Variants in PDE4B observed in about 807,000 individuals in gnomAD.
PDE4B encodes 3',5'-cyclic-AMP phosphodiesterase 4B.
In PDE4B, 20 loss-of-function variants were observed where a neutral mutation model predicts 82.2. The ratio of observed to expected loss-of-function variants is 0.24; its 90% confidence interval spans 0.17 to 0.35. The LOEUF (loss-of-function observed/expected upper bound fraction) is 0.35. Among genes scored for constraint, PDE4B ranks in the 10% least tolerant of loss-of-function variants. The pLI is 1.00. For missense variants in PDE4B, 655 were observed against 907.2 expected, an observed-to-expected ratio of 0.72 and a Z score of 3.57; for synonymous variants, 320 against 318.9, an observed-to-expected ratio of 1.00 and a Z score of -0.04.
intron 3 of PDE4B, among the ~76,000 whole-genome samples, chr1:66,105,728 T>G (rs1645336918): frequency 6.6e-6 from 1 of 152,186 alleles, no homozygotes; most frequent in African/African-American, 2.4e-5. Context: ...CACTCATGAT[T>G]GGCTCTCTGT....
chr1:66,372,540 A>G lies in PDE4B; in HGVS notation c.2073A>G (p.Gly691=), dbSNP rs1176242906. 3.7e-6 allele frequency: 6 copies of G among 1,614,174 alleles called. No individual in the cohort carries two copies. The highest frequency in any genetic ancestry group is 5.1e-6 in the Non-Finnish European group (6 of 1,180,008). ...CTCTCGATGAGGAAGATTCTGAAGG[A>G]CCTGAGAAGGAGGGAGAGGGACACA... The part of the protein sequence containing the change: ...ELTLDEEDSE[G]PEKEGEGHSY... The change falls in exon 17 of 17, where the codon GGA becomes GGG. Residue 691 remains glycine, a synonymous_variant. Coordinates refer to ENST00000341517, the MANE Select transcript of PDE4B (RefSeq NM_002600.4).
chr1:66,248,842 A>G (rs1307802135), intron 4 of PDE4B, among the ~76,000 whole-genome samples: 2 of 152,208 alleles, frequency 1.3e-5, no homozygotes, highest in African/African-American at 2.4e-5. Flanking sequence ...AGCACTTCCC[A>G]TGGAGCCGAG....
At chr1:66,366,349 C>T (rs1400171641) in intron 13 of PDE4B, among the ~76,000 whole-genome samples, 9 of 152,028 alleles carry the variant, frequency 5.9e-5, no homozygotes, top group Admixed American at 5.9e-4. Context: ...GTGGTCTAGC[C>T]TTAGGATTCC....
intron 3 of PDE4B, among the ~76,000 whole-genome samples, chr1:66,120,107 C>T (rs945618648): frequency 2.8e-4 from 42 of 152,284 alleles, no homozygotes; most frequent in African/African-American, 9.6e-4. Flanking sequence ...CAACAGCCTT[C>T]GGAAACGAAT....
chr1:66,202,976 T>C (rs1649153216), intron 3 of PDE4B, among the ~76,000 whole-genome samples: 1 of 152,142 alleles, frequency 6.6e-6, no homozygotes, highest in Non-Finnish European at 1.5e-5. Context: ...GTTTTTGCAG[T>C]GGCTGATACC....
intron 3 of PDE4B, chr1:66,062,951 C>CT (rs1655660178): frequency 6.6e-6 from 1 of 151,996 alleles, no homozygotes; most frequent in Non-Finnish European, 1.5e-5. Context: ...AGTCCTTTTT[C>CT]TGAGTGGTAA....
At chr1:66,158,614 AGTATG>A (rs1248160932) in intron 3 of PDE4B, among the ~76,000 whole-genome samples, 3 of 152,232 alleles carry the variant, frequency 2.0e-5, no homozygotes, top group African/African-American at 7.2e-5. Flanking sequence ...AAAGAAAATC[AGTATG>A]TCAAAGAGAT....
At chr1:66,358,665 A>G (rs61796504) in intron 9 of PDE4B, among the ~76,000 whole-genome samples, 1 of 134,516 alleles carries the variant, frequency 7.4e-6, no homozygotes, top group African/African-American at 2.8e-5. Context: ...GAAGAGCAAA[A>G]CTCTGTCTCA....
intron 3 of PDE4B, among the ~76,000 whole-genome samples, chr1:66,018,609 C>A (rs1463033706): frequency 6.6e-6 from 1 of 152,006 alleles, no homozygotes; most frequent in Non-Finnish European, 1.5e-5. Flanking sequence ...TATCTGAGCA[C>A]CTAGAAACTG....
At chr1:66,233,962 A>G (rs1200561644) in intron 3 of PDE4B, among the ~76,000 whole-genome samples, 7 of 152,032 alleles carry the variant, frequency 4.6e-5, no homozygotes, top group Admixed American at 6.6e-5. Flanking sequence ...TTATGGTGAT[A>G]TTATTCTTTT....
At chr1:66,117,916 C>T (rs983567736) in intron 3 of PDE4B, among the ~76,000 whole-genome samples, 1 of 152,176 alleles carries the variant, frequency 6.6e-6, no homozygotes, top group African/African-American at 2.4e-5. Context: ...AACTAGTTTA[C>T]AGTCCCACCA....
chr1:66,141,723 A>C (rs886858910), intron 3 of PDE4B, among the ~76,000 whole-genome samples: 3 of 152,106 alleles, frequency 2.0e-5, no homozygotes, highest in Non-Finnish European at 4.4e-5. Flanking sequence ...CCTTTATGAC[A>C]ACATTTTCCT....
At chr1:66,266,172 T>C (rs1655023102) in intron 7 of PDE4B, 85 bp downstream of exon 7, 1 of 1,071,190 alleles carries the variant, frequency 9.3e-7, no homozygotes, top group East Asian at 2.4e-5. Context: ...TTTAGAACAA[T>C]AGTGTTGTTT....
Position 65,938,567 on chromosome 1 carries a change from T to C in PDE4B, c.281+19732T>C, listed in dbSNP as rs554867946. The stretch of plus-strand genomic sequence containing the variant: ...ACTGAAAAATGAACAAAATATGGCC[T>C]GTGCCCTTTCCTTAGTAGTTATGGT... On this transcript the variant is annotated intron_variant, in intron 3 of 16. Transcript: ENST00000341517. 2.0e-5 allele frequency among the ~76,000 whole-genome samples: 3 copies of C among 152,314 alleles called. No homozygotes were observed. The South Asian group carries it at 6.2e-4, about 32-fold the overall frequency.
chr1:65,972,020 T>G (rs1650166073), intron 3 of PDE4B, among the ~76,000 whole-genome samples: 1 of 152,224 alleles, frequency 6.6e-6, no homozygotes, highest in Non-Finnish European at 1.5e-5. Context: ...TGCTTCTCTC[T>G]GTTTTGAAAT....
intron 3 of PDE4B, among the ~76,000 whole-genome samples, chr1:66,026,590 C>T (rs1653446843): frequency 1.3e-5 from 2 of 152,160 alleles, no homozygotes; most frequent in East Asian, 3.9e-4. Context: ...GTGAGAATAC[C>T]ACAGGTTAAT....
intron 4 of PDE4B, among the ~76,000 whole-genome samples, chr1:66,255,837 T>C (rs987778308): frequency 1.3e-5 from 2 of 152,216 alleles, no homozygotes; most frequent in Non-Finnish European, 2.9e-5. Flanking sequence ...ATATTTTGTA[T>C]GATTTGATAT....
chr1:66,105,579 A>G (rs1645332346), intron 3 of PDE4B, among the ~76,000 whole-genome samples: 2 of 152,112 alleles, frequency 1.3e-5, no homozygotes, highest in African/African-American at 2.4e-5. Flanking sequence ...TGAGCATGGA[A>G]TGTTGTTCCA....
At chr1:66,004,678 C>T (rs1225731042) in intron 3 of PDE4B, among the ~76,000 whole-genome samples, 1 of 152,010 alleles carries the variant, frequency 6.6e-6, no homozygotes, top group Non-Finnish European at 1.5e-5. Context: ...GCCAGAACAT[C>T]TCTGAAGTTG....
Sources: gnomAD v4.1 joint callset for allele counts (sites outside exome capture counted in the v4.1 genomes callset) on GRCh38, gnomAD v4.1.1 for gene constraint, MANE v1.5 for transcripts, NCBI Gene and HGNC (gene_info 2026-07-23, HGNC 2026-07-21) for gene names.